SYN3: variants seen among roughly 807,000 people sequenced by gnomAD.
SYN3 encodes the protein synapsin III.
A neutral mutation model predicts 65.8 loss-of-function variants in SYN3; 35 were observed. The ratio of observed to expected loss-of-function variants is 0.53; its 90% CI spans 0.41 to 0.70. The LOEUF is 0.70. Among genes scored for constraint, SYN3 ranks in the 30% least tolerant of loss-of-function variants. The pLI, the probability that SYN3 is intolerant of heterozygous loss-of-function variation, is 0.00. For synonymous variants in SYN3, 270 were observed against 292.9 expected (o/e 0.92, Z 0.80); for missense variants, 680 against 749.0 (o/e 0.91, Z 1.08).
intron 4 of SYN3, among the ~76,000 whole-genome samples, chr22:32,869,553 C>T (rs1006684122): frequency 1.6e-4 from 24 of 152,190 alleles, no homozygotes; most frequent in African/African-American, 5.3e-4. Flanking sequence ...ATTTCACAAA[C>T]GAGCACCCTG....
intron 2 of SYN3, among the ~76,000 whole-genome samples, chr22:32,986,249 A>T (rs1203146779): frequency 6.6e-6 from 1 of 152,160 alleles, no homozygotes; most frequent in African/African-American, 2.4e-5. Flanking sequence ...ACAGGTCTAC[A>T]GCCACTGCGA....
chr22:32,618,246 C>G (rs1206557341), intron 6 of SYN3, among the ~76,000 whole-genome samples: 1 of 152,022 alleles, frequency 6.6e-6, no homozygotes, highest in Admixed American at 6.5e-5. Flanking sequence ...AAACTGAGCT[C>G]GTGTGAAATT....
chr22:33,035,176 A>G (rs1004367025), intron 1 of SYN3, among the ~76,000 whole-genome samples: 1 of 152,170 alleles, frequency 6.6e-6, no homozygotes, highest in Non-Finnish European at 1.5e-5. Context: ...CGACAGTAAC[A>G]ATGATAATGA....
chr22:32,658,454 T>C (rs1346564583), intron 6 of SYN3, among the ~76,000 whole-genome samples: 1 of 152,206 alleles, frequency 6.6e-6, no homozygotes, highest in Non-Finnish European at 1.5e-5. Context: ...GCGAGGGACA[T>C]GCTGACCCTG....
At chr22:33,021,412 A>G (rs1469804813) in intron 1 of SYN3, among the ~76,000 whole-genome samples, 1 of 151,972 alleles carries the variant, frequency 6.6e-6, no homozygotes, top group Non-Finnish European at 1.5e-5. Flanking sequence ...GAGTTCCATC[A>G]CCCCCCATAC....
chr22:32,555,474 G>A (rs1312558839), intron 7 of SYN3, among the ~76,000 whole-genome samples: 1 of 152,208 alleles, frequency 6.6e-6, no homozygotes, highest in Non-Finnish European at 1.5e-5. Context: ...TCTCCAGCAA[G>A]CCTCCATAGA....
chr22:32,655,179 C>T (rs559960491), intron 6 of SYN3, among the ~76,000 whole-genome samples: 117 of 152,318 alleles, frequency 7.7e-4, no homozygotes, highest in South Asian at 7.2e-3. Flanking sequence ...TGTGAAGACA[C>T]AGTGTTCATT....
chr22:32,994,791 G>C (rs1234753587), intron 2 of SYN3, among the ~76,000 whole-genome samples: 1 of 152,190 alleles, frequency 6.6e-6, no homozygotes, highest in Non-Finnish European at 1.5e-5. Flanking sequence ...TGAGAGGCAG[G>C]CCAAATGGCT....
At chr22:32,581,792 C>CTTTTTTTTTTTTTTTTTTTTTTT (rs10716395) in intron 7 of SYN3, among the ~76,000 whole-genome samples, 1 of 84,320 alleles carries the variant, frequency 1.2e-5, no homozygotes, top group African/African-American at 4.5e-5. Context: ...TTCTTTCTTT[C>CTTTTTTTTTTTTTTTTTTTTTTT]TTTTTTTTTT....
chr22:32,526,921 G>C (rs1047307321), intron 12 of SYN3, among the ~76,000 whole-genome samples: 3 of 152,178 alleles, frequency 2.0e-5, no homozygotes. Flanking sequence ...GTGCCAGAGC[G>C]AGTGTGCCCA....
At chr22:32,744,363 C>A (rs550629610) in intron 6 of SYN3, among the ~76,000 whole-genome samples, 4 of 152,128 alleles carry the variant, frequency 2.6e-5, no homozygotes, top group African/African-American at 9.7e-5. Context: ...AAATCACCAA[C>A]GGGAAGCGAT....
chr22:32,849,616 T>C (rs373214075), intron 6 of SYN3: 2 of 1,259,812 alleles, frequency 1.6e-6, no homozygotes, highest in Admixed American at 3.9e-5. Flanking sequence ...GCAAAGTGGG[T>C]TGGAACTGGG....
intron 1 of SYN3, among the ~76,000 whole-genome samples, chr22:33,035,926 A>G (rs890614157): frequency 2.6e-5 from 4 of 152,116 alleles, no homozygotes; most frequent in Admixed American, 2.6e-4. Context: ...AATAACGTTG[A>G]CTATAAGCTT....
intron 3 of SYN3, among the ~76,000 whole-genome samples, chr22:32,934,278 T>C (rs1437036996): frequency 6.6e-6 from 1 of 152,136 alleles, no homozygotes; most frequent in Non-Finnish European, 1.5e-5. Flanking sequence ...GAAGATAGAA[T>C]CTCTGACTCA....
Position 32,862,230 on chromosome 22 carries a change from G to A in SYN3, c.711+2685C>T, listed in dbSNP as rs2267185. The A allele has an allele frequency of 0.098, 14,948 of 152,218 alleles. 1,278 individuals are homozygous for A. Among genetic ancestry groups the A allele is most frequent in the African/African-American group, 0.23 (9,601 of 41,472 alleles). The allele number at this position is 152,218 out of a possible 1,614,324, so 9.4% of individuals were successfully genotyped here. ...GATTTTCCTAAGAATCCAGGGCCAT[G>A]GGAGATACAATTCCAAGTTCTCGCT... is the stretch of plus-strand genomic sequence containing the variant. On this transcript the variant is annotated intron_variant, in intron 6 of 13. Transcript: ENST00000358763.
chr22:32,635,796 G>C (rs950175261), intron 6 of SYN3, among the ~76,000 whole-genome samples: 4 of 152,204 alleles, frequency 2.6e-5, no homozygotes, highest in Admixed American at 2.0e-4. Flanking sequence ...CAAATTTCCC[G>C]AATCTCCCAA....
intron 4 of SYN3, among the ~76,000 whole-genome samples, chr22:32,894,164 CTGG>C (rs1190535268): frequency 1.3e-5 from 2 of 150,954 alleles, no homozygotes; most frequent in Admixed American, 1.3e-4. Flanking sequence ...GAGCAAGGGC[CTGG>C]TGAATCACTG....
intron 1 of SYN3, among the ~76,000 whole-genome samples, chr22:33,055,614 A>G (rs916723248): frequency 6.6e-6 from 1 of 152,232 alleles, no homozygotes; most frequent in African/African-American, 2.4e-5. Context: ...GGGGAGGACC[A>G]ACAATAGGAA....
At chr22:32,527,888 T>G in intron 12 of SYN3, 30 bp downstream of exon 12, 1 of 1,562,674 alleles carries the variant, frequency 6.4e-7, no homozygotes, top group East Asian at 2.3e-5. Context: ...CACTGCATGC[T>G]TTCTTGCAGT....
Sources: allele counts gnomAD v4.1 joint callset (sites outside exome capture counted in the v4.1 genomes callset), GRCh38; gene constraint gnomAD v4.1.1; transcripts MANE v1.5; gene names NCBI Gene and HGNC (gene_info 2026-07-23, HGNC 2026-07-21).